Variants in PSTPIP2 observed in about 807,000 individuals in gnomAD.
PSTPIP2 encodes the protein proline-serine-threonine phosphatase-interacting protein 2.
In PSTPIP2, 33 loss-of-function variants were observed where a neutral mutation model predicts 63.3. The observed-to-expected ratio is 0.52, with a 90% CI of 0.40 to 0.70. PSTPIP2 has a LOEUF of 0.70. Ranked by LOEUF, PSTPIP2 falls within the 30% of genes least tolerant of loss-of-function variation. PSTPIP2 has a pLI of 0.00. For synonymous variants in PSTPIP2, 125 were observed against 132.7 expected (o/e 0.94, Z 0.40); for missense variants, 312 against 400.7 (o/e 0.78, Z 1.89).
At chr18:46,027,665 G>A (rs1907631706) in intron 2 of PSTPIP2, among the ~76,000 whole-genome samples, 1 of 151,976 alleles carries the variant, frequency 6.6e-6, no homozygotes, top group Admixed American at 6.6e-5. Context: ...ACTCCAGCAT[G>A]GATGACAAAG....
intron 1 of PSTPIP2, among the ~76,000 whole-genome samples, chr18:46,042,477 T>TGCCTG (rs1233211585): frequency 6.6e-6 from 1 of 152,210 alleles, no homozygotes; most frequent in Non-Finnish European, 1.5e-5. Flanking sequence ...TTTGCTATTA[T>TGCCTG]GCCTGTGAAT....
chr18:46,010,980 T>C, intron 5 of PSTPIP2: 1 of 528,768 alleles, frequency 1.9e-6, no homozygotes. Flanking sequence ...CTATGTGAAC[T>C]TTAAAAAAGG....
In PSTPIP2 at chr18:46,006,360, C is replaced by CTTTTTTTTTTTTTTTTTTTTTTTTTTT. The variant is rs756384731; in HGVS notation, c.355-856_355-830dup. Among the ~76,000 whole-genome samples the CTTTTTTTTTTTTTTTTTTTTTTTTTTT allele has an allele frequency of 6.9e-5, 8 of 115,628 alleles. 4 individuals carry two copies. Among genetic ancestry groups the CTTTTTTTTTTTTTTTTTTTTTTTTTTT allele is most frequent in the African/African-American group, 2.2e-4 (6 of 27,084 alleles). The allele number at this position is 115,628 out of a possible 152,430, so 75.9% of individuals were successfully genotyped here. On this transcript the variant is annotated intron_variant, in intron 5 of 14. Transcript: ENST00000409746. The stretch of plus-strand genomic sequence containing the variant: ...TGAGCCACCATGCCCAGCCCTGGTA[C>CTTTTTTTTTTTTTTTTTTTTTTTTTTT]TTTTTTTTTTTTTTTTTTTTTTTTT...
At chr18:46,048,236 T>C (rs1908452633) in intron 1 of PSTPIP2, among the ~76,000 whole-genome samples, 3 of 152,148 alleles carry the variant, frequency 2.0e-5, no homozygotes, top group South Asian at 4.1e-4. Flanking sequence ...GGCTTGAAGA[T>C]GGAGGAAGGG....
chr18:45,984,453 T>A lies in PSTPIP2; in HGVS notation c.*1006A>T, dbSNP rs1320037776. On this transcript the variant is annotated 3_prime_UTR_variant, in exon 15 of 15. Transcript: ENST00000409746. ...GGGGTCTAGCAAGGGAAAGATTCTC[T>A]GTGAAGACCCAAAATTGAGGACTGG... 6.6e-6 allele frequency: 1 copy of A among 152,226 alleles called. No individual in the cohort carries two copies. Among genetic ancestry groups the A allele is most frequent in the Non-Finnish European group, 1.5e-5 (1 of 68,038 alleles). 9.4% of individuals were successfully genotyped at this position (152,226 alleles called of 1,614,324 possible). A position where few individuals can be genotyped will look rare whatever the true frequency, so the allele number is the denominator to read the frequency against.
intron 3 of PSTPIP2, among the ~76,000 whole-genome samples, chr18:46,017,190 T>G (rs1165156561): frequency 6.6e-6 from 1 of 152,218 alleles, no homozygotes; most frequent in Non-Finnish European, 1.5e-5. Flanking sequence ...TCCAGGTTGA[T>G]AATTATTTCC....
chr18:46,015,982 CT>C, intron 3 of PSTPIP2, 45 bp from the exon 4 acceptor site: 1 of 1,579,718 alleles, frequency 6.3e-7, no homozygotes, highest in Non-Finnish European at 8.7e-7. Flanking sequence ...TGGAAATTCT[CT>C]GCACAATCTT....
intron 1 of PSTPIP2, among the ~76,000 whole-genome samples, chr18:46,059,118 C>G (rs982107120): frequency 6.6e-6 from 1 of 151,826 alleles, no homozygotes; most frequent in African/African-American, 2.4e-5. Flanking sequence ...CTCGCTGCAA[C>G]CTCCGCCTCC....
chr18:46,058,597 G>A (rs1001767235), intron 1 of PSTPIP2, among the ~76,000 whole-genome samples: 15 of 152,052 alleles, frequency 9.9e-5, no homozygotes. Context: ...CTGACCTCGT[G>A]ATCCACCCAC....
At chr18:46,066,975 C>T (rs1486861454) in intron 1 of PSTPIP2, among the ~76,000 whole-genome samples, 14 of 149,556 alleles carry the variant, frequency 9.4e-5, no homozygotes, top group African/African-American at 3.5e-4. Flanking sequence ...TGCAGTGAGC[C>T]GAGATCTCGC....
chr18:46,030,977 ATG>A (rs1282197345), intron 2 of PSTPIP2, among the ~76,000 whole-genome samples: 6 of 152,218 alleles, frequency 3.9e-5, no homozygotes, highest in Non-Finnish European at 8.8e-5. Flanking sequence ...CTTAGCCAGG[ATG>A]TGTGTTAACA....
At chr18:46,065,144 C>CAAAAAA (rs35144990) in intron 1 of PSTPIP2, among the ~76,000 whole-genome samples, 22 of 80,744 alleles carry the variant, frequency 2.7e-4, no homozygotes, top group Non-Finnish European at 3.4e-4. Flanking sequence ...AACTCTGTCT[C>CAAAAAA]AAAAAAAAAA....
At chr18:46,003,931 T>G (rs903206257) in intron 6 of PSTPIP2, among the ~76,000 whole-genome samples, 2 of 151,766 alleles carry the variant, frequency 1.3e-5, no homozygotes, top group East Asian at 3.9e-4. Flanking sequence ...TAATTTTTTT[T>G]TTTTTTGTAT....
chr18:46,002,858 C>T (rs758029425), intron 6 of PSTPIP2, among the ~76,000 whole-genome samples: 4 of 152,218 alleles, frequency 2.6e-5, no homozygotes, highest in Non-Finnish European at 5.9e-5. Context: ...ATCTTCGTCA[C>T]ATAATTCCAA....
chr18:46,055,138 C>T (rs1222197199), intron 1 of PSTPIP2, among the ~76,000 whole-genome samples: 1 of 152,078 alleles, frequency 6.6e-6, no homozygotes, highest in African/African-American at 2.4e-5. Context: ...GTTATCTCTC[C>T]CCTTTCCCCT....
chr18:46,009,054 A>T (rs2051763822), intron 5 of PSTPIP2, among the ~76,000 whole-genome samples: 1 of 152,046 alleles, frequency 6.6e-6, no homozygotes. Context: ...ATCACGCTTT[A>T]CCATGATTCC....
At position 46,001,054 on chromosome 18, in the gene PSTPIP2, G is replaced by A. The variant is rs553634668; in HGVS notation, c.418-1520C>T. ...CATGGATAAGCCTGAAGGACATTAT[G>A]TTAAGTGAAATAAACCCTTTGATCT... On this transcript the variant is annotated intron_variant, in intron 6 of 14. Coordinates refer to ENST00000409746, the MANE Select transcript of PSTPIP2 (RefSeq NM_024430.4). Among the ~76,000 whole-genome samples, 297 of 152,316 alleles carry A rather than the reference G, an allele frequency of 1.9e-3. 2 individuals are homozygous for A. Among genetic ancestry groups the A allele is most frequent in the Non-Finnish European group, 2.9e-3 (197 of 68,024 alleles).
chr18:46,001,755 A>T (rs2051669420), intron 6 of PSTPIP2, among the ~76,000 whole-genome samples: 2 of 152,084 alleles, frequency 1.3e-5, no homozygotes, highest in African/African-American at 4.8e-5. Context: ...ATTTAAAAAA[A>T]TTTTTGTGGG....
At chr18:45,990,106 A>G (rs1418612888) in intron 13 of PSTPIP2, among the ~76,000 whole-genome samples, 2 of 152,230 alleles carry the variant, frequency 1.3e-5, no homozygotes, top group Non-Finnish European at 2.9e-5. Context: ...TTGTATTTCT[A>G]TGTAATCCAA....
Sources: allele counts gnomAD v4.1 joint callset (sites outside exome capture counted in the v4.1 genomes callset), GRCh38; gene constraint gnomAD v4.1.1; transcripts MANE v1.5; gene names NCBI Gene and HGNC (gene_info 2026-07-23, HGNC 2026-07-21).